Variants in PLCB1 observed in about 807,000 individuals in gnomAD.
PLCB1 encodes 1-phosphatidylinositol 4,5-bisphosphate phosphodiesterase beta-1.
Under a neutral mutation model 161.8 loss-of-function variants are expected in PLCB1, and 46 were observed. The ratio of observed to expected loss-of-function variants is 0.28; its 90% CI spans 0.22 to 0.36. The LOEUF is 0.36. Among genes scored for constraint, PLCB1 ranks in the 10% least tolerant of loss-of-function variants. The probability of loss-of-function intolerance (pLI) is 1.00; values close to 1 mark genes in which losing one functional copy is unlikely to be tolerated. For synonymous variants in PLCB1, 517 were observed against 503.7 expected (o/e 1.03, Z -0.35); for missense variants, 1,016 against 1,472.5 (o/e 0.69, Z 5.07).
At chr20:8,588,579 C>T (rs1286764326) in intron 3 of PLCB1, among the ~76,000 whole-genome samples, 1 of 152,052 alleles carries the variant, frequency 6.6e-6, no homozygotes, top group Non-Finnish European at 1.5e-5. Flanking sequence ...GGACACCAGT[C>T]CCTCATCTAA....
chr20:8,821,571 T>G (rs1985422334), intron 31 of PLCB1, among the ~76,000 whole-genome samples: 3 of 134,598 alleles, frequency 2.2e-5, no homozygotes, highest in African/African-American at 5.4e-5. Flanking sequence ...AAATGACACT[T>G]TTAAAAATGG....
At chr20:8,777,165 C>T (rs6056100) in intron 27 of PLCB1, among the ~76,000 whole-genome samples, 92,009 of 151,846 alleles carry the variant, frequency 0.61, 28,101 homozygotes, top group South Asian at 0.71. Flanking sequence ...GACAGATCTT[C>T]TGGGGTCTTT....
chr20:8,565,980 A>C (rs538949894), intron 3 of PLCB1, among the ~76,000 whole-genome samples: 1 of 152,302 alleles, frequency 6.6e-6, no homozygotes, highest in East Asian at 1.9e-4. Flanking sequence ...TTCTGAATTT[A>C]TTCCCTGTGA....
intron 26 of PLCB1, among the ~76,000 whole-genome samples, chr20:8,767,782 A>C (rs1982421515): frequency 6.6e-6 from 1 of 152,220 alleles, no homozygotes; most frequent in Admixed American, 6.5e-5. Context: ...AGTACTGGGC[A>C]TATGTGTCAT....
chr20:8,584,449 A>G (rs1986924656), intron 3 of PLCB1, among the ~76,000 whole-genome samples: 1 of 148,422 alleles, frequency 6.7e-6, no homozygotes, highest in African/African-American at 2.5e-5. Flanking sequence ...TGTTTTGACT[A>G]ATTTACACAA....
At chr20:8,333,595 A>G (rs1985452033) in intron 2 of PLCB1, among the ~76,000 whole-genome samples, 1 of 152,186 alleles carries the variant, frequency 6.6e-6, no homozygotes, top group Non-Finnish European at 1.5e-5. Context: ...TAGTGGGTAG[A>G]GGCCAGGGAT....
intron 4 of PLCB1, among the ~76,000 whole-genome samples, chr20:8,631,775 T>G (rs1239314950): frequency 1.3e-5 from 2 of 152,174 alleles, no homozygotes; most frequent in East Asian, 3.9e-4. Context: ...CCACAGCATC[T>G]CTCATCCCCT....
intron 31 of PLCB1, among the ~76,000 whole-genome samples, chr20:8,793,707 CGAG>C (rs1983882084): frequency 6.6e-6 from 1 of 151,846 alleles, no homozygotes; most frequent in African/African-American, 2.4e-5. Context: ...ACCACAGGAC[CGAG>C]GCAAAATTAA....
At chr20:8,305,337 T>C (rs1984084314) in intron 2 of PLCB1, among the ~76,000 whole-genome samples, 1 of 152,222 alleles carries the variant, frequency 6.6e-6, no homozygotes, top group Non-Finnish European at 1.5e-5. Flanking sequence ...CAGTTTTTCA[T>C]ATTTTCATAG....
chr20:8,675,009 A>G (rs572002236), intron 9 of PLCB1, among the ~76,000 whole-genome samples: 36 of 152,272 alleles, frequency 2.4e-4, no homozygotes, highest in African/African-American at 8.2e-4. Context: ...TATAATTTCT[A>G]TGGCAGTGTT....
intron 2 of PLCB1, among the ~76,000 whole-genome samples, chr20:8,178,203 GTATA>G (rs2051802769): frequency 1.3e-5 from 2 of 152,134 alleles, no homozygotes. Context: ...ATTCCTTTGA[GTATA>G]TATCCAATAA....
At chr20:8,349,110 T>G (rs546999815) in intron 2 of PLCB1, among the ~76,000 whole-genome samples, 1 of 152,092 alleles carries the variant, frequency 6.6e-6, no homozygotes, top group Non-Finnish European at 1.5e-5. Flanking sequence ...AAAACAATAT[T>G]AAAAACTCCA....
chr20:8,825,955 C>A (rs1985674194), intron 31 of PLCB1, among the ~76,000 whole-genome samples: 1 of 152,090 alleles, frequency 6.6e-6, no homozygotes, highest in South Asian at 2.1e-4. Context: ...GTTTGTGCAA[C>A]TGAGTGGATT....
At chr20:8,698,379 C>T (rs1400748351) in intron 11 of PLCB1, among the ~76,000 whole-genome samples, 1 of 152,020 alleles carries the variant, frequency 6.6e-6, no homozygotes, top group Admixed American at 6.5e-5. Flanking sequence ...CTATAGTATA[C>T]ATTATTTTAT....
At chr20:8,271,598 A>G (rs1982283898) in intron 2 of PLCB1, among the ~76,000 whole-genome samples, 1 of 152,268 alleles carries the variant, frequency 6.6e-6, no homozygotes, top group African/African-American at 2.4e-5. Flanking sequence ...GAAGTAGCAC[A>G]TATATAATAG....
chr20:8,564,702 A>C (rs1386897812), intron 3 of PLCB1, among the ~76,000 whole-genome samples: 1 of 152,230 alleles, frequency 6.6e-6, no homozygotes, highest in Non-Finnish European at 1.5e-5. Context: ...TCTCAAAAGA[A>C]GACATTTATG....
intron 31 of PLCB1, among the ~76,000 whole-genome samples, chr20:8,860,781 G>A (rs1987228589): frequency 6.6e-6 from 1 of 152,156 alleles, no homozygotes; most frequent in Non-Finnish European, 1.5e-5. Context: ...AAGACTCACA[G>A]GGAAGAGTTC....
intron 3 of PLCB1, among the ~76,000 whole-genome samples, chr20:8,560,222 G>A (rs1986099480): frequency 6.6e-6 from 1 of 151,934 alleles, no homozygotes; most frequent in Non-Finnish European, 1.5e-5. Flanking sequence ...CTGGTTTGTG[G>A]ACCGAACTTT....
intron 31 of PLCB1, among the ~76,000 whole-genome samples, chr20:8,836,807 T>G (rs1600370688): frequency 6.6e-6 from 1 of 152,134 alleles, no homozygotes; most frequent in East Asian, 1.9e-4. Flanking sequence ...GAGCTCAGGG[T>G]TTGAATTCCC....
Sources: gnomAD v4.1 joint callset for allele counts (sites outside exome capture counted in the v4.1 genomes callset) on GRCh38, gnomAD v4.1.1 for gene constraint, MANE v1.5 for transcripts, NCBI Gene and HGNC (gene_info 2026-07-23, HGNC 2026-07-21) for gene names.